LAMB4: variants seen among roughly 807,000 people sequenced by gnomAD.
LAMB4 encodes laminin subunit beta 4.
A neutral mutation model predicts 199.2 loss-of-function variants in LAMB4; 196 were observed. The observed-to-expected ratio is 0.98, with a 90% confidence interval of 0.88 to 1.11. The LOEUF (loss-of-function observed/expected upper bound fraction) is 1.11. Ranked by LOEUF, LAMB4 falls within the 50% of genes least tolerant of loss-of-function variation. The pLI is 0.00. For synonymous variants in LAMB4, 744 were observed against 770.6 expected (o/e 0.97, Z 0.57); for missense variants, 2,080 against 2,171.2 (o/e 0.96, Z 0.83).
chr7:108,119,172 C>G (rs1424921476), intron 2 of LAMB4, among the ~76,000 whole-genome samples: 1 of 152,104 alleles, frequency 6.6e-6, no homozygotes, highest in Non-Finnish European at 1.5e-5. Flanking sequence ...ATCCCGCATA[C>G]CCTGCTGGTG....
chr7:108,126,554 C>CTTTTTTTT (rs71137605), intron 1 of LAMB4, among the ~76,000 whole-genome samples: 2,530 of 83,484 alleles, frequency 0.03, 158 homozygotes, highest in East Asian at 0.035. Flanking sequence ...GAATTTCTTT[C>CTTTTTTTT]TTTTTTTTTT....
chr7:108,095,052 G>A (rs1380500862), intron 12 of LAMB4, among the ~76,000 whole-genome samples, 176 bp downstream of exon 12: 1 of 152,142 alleles, frequency 6.6e-6, no homozygotes, highest in Non-Finnish European at 1.5e-5. Flanking sequence ...CAATGCAGGG[G>A]TGAGGGGAGG....
chr7:108,068,266 T>TG, intron 18 of LAMB4, 107 bp from the exon 19 acceptor site: 2 of 1,071,760 alleles, frequency 1.9e-6, no homozygotes, highest in Non-Finnish European at 2.7e-6. Flanking sequence ...ACCTCTTTAA[T>TG]ACTCAACTCC....
chr7:108,091,633 G>C lies in LAMB4; in HGVS notation c.1694C>G (p.Ala565Gly), dbSNP rs751341327. 1 of 1,613,052 alleles carries C rather than the reference G, an allele frequency of 6.2e-7. No individual in the cohort carries two copies. The highest frequency in any genetic ancestry group is 8.5e-7 in the Non-Finnish European group (1 of 1,179,678). Reference sequence around the variant, plus strand: ...AGTAAATGAAATACGAACCAAAGGCGCCAGTCCTTGGAGTGTTGTGGCTTC... The same window carrying C: ...AGTAAATGAAATACGAACCAAAGGCCCCAGTCCTTGGAGTGTTGTGGCTTC... ...AEEATTLQGL[A>G]PLGSETFGQS... Residue 565 changes from alanine to glycine, a missense_variant, in exon 14 of 34, where the codon GCG (alanine) becomes GGG (glycine). Transcript: ENST00000388781.
chr7:108,060,026 AG>A (rs2036110648), intron 23 of LAMB4, among the ~76,000 whole-genome samples: 1 of 152,250 alleles, frequency 6.6e-6, no homozygotes, highest in Non-Finnish European at 1.5e-5. Context: ...GGAATGTACC[AG>A]GAACCACCTC....
chr7:108,093,642 A>G (rs2037492554), intron 12 of LAMB4, among the ~76,000 whole-genome samples: 1 of 152,210 alleles, frequency 6.6e-6, no homozygotes, highest in East Asian at 1.9e-4. Flanking sequence ...CTGGTGAGAT[A>G]CAAGTAACTA....
chr7:108,116,271 A>G, intron 2 of LAMB4, 110 bp from the exon 3 acceptor site: 15 of 1,040,438 alleles, frequency 1.4e-5, no homozygotes, highest in Non-Finnish European at 2.0e-5. Context: ...ATATTGGCCA[A>G]AGATGTATCA....
intron 14 of LAMB4, among the ~76,000 whole-genome samples, chr7:108,086,001 C>A (rs2037160994): frequency 6.6e-6 from 1 of 152,154 alleles, no homozygotes; most frequent in South Asian, 2.1e-4. Context: ...GCTGCCAGAT[C>A]CCCTTTACTG....
chr7:108,017,053 A>C, the LAMB4 span, among the ~76,000 whole-genome samples: 1 of 151,816 alleles, frequency 6.6e-6, no homozygotes, highest in Non-Finnish European at 1.5e-5. Context: ...ACTGTTAGTC[A>C]CAGAGTTTAT....
At chr7:108,072,671 TTTA>T (rs2036572758) in intron 17 of LAMB4, among the ~76,000 whole-genome samples, 1 of 152,122 alleles carries the variant, frequency 6.6e-6, no homozygotes, top group Admixed American at 6.5e-5. Flanking sequence ...GCATCTCCCC[TTTA>T]GAGAATAAGA....
chr7:108,031,369 G>GAAAAAAAAAAAAAAAAAAAAAGAAAAAA (rs371230419), intron 31 of LAMB4, among the ~76,000 whole-genome samples: 1 of 81,164 alleles, frequency 1.2e-5, no homozygotes, highest in Non-Finnish European at 2.5e-5. Flanking sequence ...AAAAGGAAAA[G>GAAAAAAAAAAAAAAAAAAAAAGAAAAAA]AAAAAAAAAA....
chr7:108,032,686 G>C (rs2150489902), intron 31 of LAMB4, among the ~76,000 whole-genome samples: 1 of 143,220 alleles, frequency 7.0e-6, no homozygotes. Context: ...TACTGACTCT[G>C]TGTGTTTGCG....
At chr7:108,079,843 C>G (rs1458141831) in intron 14 of LAMB4, 57 bp from the exon 15 acceptor site, 4 of 1,352,112 alleles carry the variant, frequency 3.0e-6, no homozygotes, top group African/African-American at 1.5e-5. Context: ...TGAAAGAGTT[C>G]AAGAAAACCA....
At chr7:108,040,975 A>T (rs1563038523) in intron 29 of LAMB4, among the ~76,000 whole-genome samples, 1 of 152,198 alleles carries the variant, frequency 6.6e-6, no homozygotes, top group Non-Finnish European at 1.5e-5. Context: ...CAACCTACAG[A>T]ATGGGAGAAA....
At chr7:108,068,338 G>A (rs2036415846) in intron 18 of LAMB4, among the ~76,000 whole-genome samples, 179 bp from the exon 19 acceptor site, 3 of 152,202 alleles carry the variant, frequency 2.0e-5, no homozygotes. Flanking sequence ...TGGATAAAAG[G>A]AAATAAGTTC....
rs1312559275 is a variant in LAMB4 at position 108,065,757 on chromosome 7, C to T, written c.2836+5G>A. 1.9e-6 allele frequency: 3 copies of T among 1,612,418 alleles called. No homozygotes were observed. Among genetic ancestry groups the T allele is most frequent in the South Asian group, 2.2e-5 (2 of 90,910 alleles). ...AAAAATTGCATCAAGCACTATACTG[C>T]ATACCCGTATAACCTTGAAGACAAT... On this transcript the variant is annotated splice_donor_5th_base_variant and intron_variant, in intron 21 of 33. Coordinates refer to ENST00000388781, the MANE Select transcript of LAMB4 (RefSeq NM_007356.3).
chr7:108,039,390 G>T (rs555923957), intron 29 of LAMB4, among the ~76,000 whole-genome samples: 3 of 151,852 alleles, frequency 2.0e-5, no homozygotes, highest in East Asian at 1.9e-4. Context: ...AATGTGACAA[G>T]AATTTTTTTG....
At chr7:108,042,534 A>G (rs1159756211) in intron 29 of LAMB4, among the ~76,000 whole-genome samples, 1 of 152,094 alleles carries the variant, frequency 6.6e-6, no homozygotes, top group East Asian at 1.9e-4. Context: ...ACCTGGGTCC[A>G]GTCAATACAG....
rs533192648 is a variant in LAMB4 at position 108,038,808 on chromosome 7, C to G, written c.4472-1213G>C. Among the ~76,000 whole-genome samples the G allele has an allele frequency of 5.9e-5, 9 of 152,288 alleles. No individual in the cohort carries two copies. The East Asian group carries it at 1.7e-3, about 29-fold the overall frequency. ...TACAGCAAAGCCATTTGTCACTCTC[C>G]AGCTACTTAGTGAACACCTACAATT... On this transcript the variant is annotated intron_variant, in intron 29 of 33. Transcript: ENST00000388781.
Sources: allele counts gnomAD v4.1 joint callset (sites outside exome capture counted in the v4.1 genomes callset), GRCh38; gene constraint gnomAD v4.1.1; transcripts MANE v1.5; gene names NCBI Gene and HGNC (gene_info 2026-07-23, HGNC 2026-07-21).